SATB1: variants seen among roughly 807,000 people sequenced by gnomAD.
SATB1 encodes the protein DNA-binding protein SATB1.
SATB1 carries 11 observed loss-of-function variants against 86.9 expected under a neutral mutation model. That is an observed-to-expected ratio of 0.13 (90% CI 0.08 to 0.21). The LOEUF (loss-of-function observed/expected upper bound fraction) is 0.21. Ranked by LOEUF, SATB1 falls within the 10% of genes least tolerant of loss-of-function variation. SATB1 has a pLI of 1.00. For synonymous variants in SATB1, 357 were observed against 357.2 expected (o/e 1.00, Z 0.01); for missense variants, 551 against 937.6 (o/e 0.59, Z 5.39).
intron 9 of SATB1, among the ~76,000 whole-genome samples, chr3:18,367,650 A>T (rs1276878722): frequency 1.3e-5 from 2 of 152,168 alleles, no homozygotes; most frequent in Non-Finnish European, 2.9e-5. Flanking sequence ...TAATGAAAAG[A>T]TGTGCTCTTT....
chr3:18,350,918 T>C (rs1168770286), intron 10 of SATB1: 1 of 273,076 alleles, frequency 3.7e-6, no homozygotes, highest in African/African-American at 2.3e-5. Context: ...TGTAGGTGAC[T>C]CAACAGAGGT....
rs184485834 is a variant in SATB1, at chr3:18,370,739, T to G, written c.1575+7431A>C. 2.0e-5 allele frequency among the ~76,000 whole-genome samples: 3 copies of G among 151,936 alleles called. No homozygotes were observed. In the East Asian group the frequency reaches 5.8e-4, roughly 29 times the overall value. ...ACAGAGTTGGGGCATGCATTCTTCC[T>G]GTTGAACAGAAAACAGAGGCCTCAT... On this transcript the variant is annotated intron_variant, in intron 9 of 10. Transcript: ENST00000338745.
At chr3:18,416,756 A>T in intron 3 of SATB1, 146 bp downstream of exon 3, 1 of 760,754 alleles carries the variant, frequency 1.3e-6, no homozygotes, top group Non-Finnish European at 2.0e-6. Flanking sequence ...AAACTGAATT[A>T]AGCCAATTTT....
chr3:18,348,660 A>G lies in SATB1; in HGVS notation c.*510T>C, dbSNP rs1171287533. 1 of 152,786 alleles carries G rather than the reference A, an allele frequency of 6.5e-6. No individual in the cohort carries two copies. Among genetic ancestry groups the G allele is most frequent in the Non-Finnish European group, 1.5e-5 (1 of 68,258 alleles). 9.5% of individuals were successfully genotyped at this position (152,786 alleles called of 1,614,324 possible). ...TATAATACAAGGCATTTGTTGGCAT[A>G]TGTCATCTTTAAACTGCATTCCACA... On this transcript the variant is annotated 3_prime_UTR_variant, in exon 11 of 11. Coordinates refer to ENST00000338745, the MANE Select transcript of SATB1 (RefSeq NM_002971.6).
rs967361198 is a variant in SATB1 at position 18,347,123 on chromosome 3, C to A, written c.*2047G>T. Reference sequence around the variant, plus strand: ...CACTTCAGTTTCTAAAGTACAAGTTCAACACTAAAGCAGCCCAGTTGCCTA... The same window carrying A: ...CACTTCAGTTTCTAAAGTACAAGTTAAACACTAAAGCAGCCCAGTTGCCTA... On this transcript the variant is annotated 3_prime_UTR_variant, in exon 11 of 11. Transcript: ENST00000338745. 1 of 151,890 alleles carries A rather than the reference C, an allele frequency of 6.6e-6. No individual in the cohort carries two copies. Among genetic ancestry groups the A allele is most frequent in the Non-Finnish European group, 1.5e-5 (1 of 67,966 alleles). 9.4% of individuals were successfully genotyped at this position (151,890 alleles called of 1,614,324 possible). A position where few individuals can be genotyped will look rare whatever the true frequency, so the allele number is the denominator to read the frequency against.
At chr3:18,417,652 C>A in intron 2 of SATB1, 1 of 698,568 alleles carries the variant, frequency 1.4e-6, no homozygotes, top group South Asian at 1.5e-5. Context: ...ACTGGTTCCA[C>A]AAAAAGTACT....
chr3:18,406,646 ATTG>A (rs1368893612), intron 5 of SATB1, among the ~76,000 whole-genome samples: 1 of 152,064 alleles, frequency 6.6e-6, no homozygotes, highest in African/African-American at 2.4e-5. Context: ...CTCCAAGGCT[ATTG>A]TTGTGCTTAC....
At chr3:18,431,278 G>A (rs903152791) in intron 2 of SATB1, among the ~76,000 whole-genome samples, 3 of 151,930 alleles carry the variant, frequency 2.0e-5, no homozygotes, top group African/African-American at 7.3e-5. Flanking sequence ...CTTCTTTAAC[G>A]TGCAGCTTGA....
At chr3:18,413,510 A>C (rs919498969) in intron 5 of SATB1, among the ~76,000 whole-genome samples, 1 of 152,110 alleles carries the variant, frequency 6.6e-6, no homozygotes, top group African/African-American at 2.4e-5. Flanking sequence ...AGATCATTTC[A>C]AATTTTCATA....
intron 9 of SATB1, among the ~76,000 whole-genome samples, chr3:18,374,538 T>C (rs1221678276): frequency 1.3e-5 from 2 of 152,208 alleles, no homozygotes; most frequent in East Asian, 3.9e-4. Flanking sequence ...TATCATCTTT[T>C]TAAAGTTTGC....
chr3:18,411,356 A>G (rs1186476070), intron 5 of SATB1, among the ~76,000 whole-genome samples: 1 of 152,120 alleles, frequency 6.6e-6, no homozygotes, highest in Admixed American at 6.6e-5. Context: ...TAAAACCTCC[A>G]TGAAATATTT....
intron 2 of SATB1, chr3:18,434,964 T>C (rs944981003): frequency 6.6e-6 from 1 of 152,092 alleles, no homozygotes; most frequent in Admixed American, 6.5e-5. Flanking sequence ...CCATGACTGG[T>C]AAATTCTTTT....
chr3:18,366,528 G>C (rs1387325001), intron 9 of SATB1, among the ~76,000 whole-genome samples: 1 of 152,060 alleles, frequency 6.6e-6, no homozygotes, highest in Non-Finnish European at 1.5e-5. Context: ...AAACAAAAAA[G>C]AGACATATTT....
intron 5 of SATB1, among the ~76,000 whole-genome samples, chr3:18,406,441 T>C (rs1210809577): frequency 1.3e-5 from 2 of 152,008 alleles, no homozygotes; most frequent in East Asian, 3.9e-4. Flanking sequence ...ATGAAAATAA[T>C]AGTGAAGAAG....
intron 1 of SATB1, among the ~76,000 whole-genome samples, chr3:18,437,466 AAGAGTATACATCATTCTT>A (rs1699102366): frequency 6.6e-6 from 1 of 152,162 alleles, no homozygotes; most frequent in African/African-American, 2.4e-5. Flanking sequence ...CTTGTATGTT[AAGAGTATACATCATTCTT>A]TTTTAACATG....
In SATB1 at chr3:18,394,454, C is replaced by T. The variant is rs188308849; in HGVS notation, c.1206+8G>A. 7 of 1,612,612 alleles carry T rather than the reference C, an allele frequency of 4.3e-6. No homozygotes were observed. The highest frequency in any genetic ancestry group is 2.7e-5 in the African/African-American group (2 of 75,014). ...ACAGCACAGAACCACTTATGAAACA[C>T]AACTGACCTGAGTTCTGTTAAAAGC... On this transcript the variant is annotated splice_region_variant and intron_variant, in intron 7 of 10. Transcript: ENST00000338745. The surrounding 1 kb of genome is among the most constrained non-coding windows in gnomAD (Gnocchi z 5.9).
rs116406232 is a variant in SATB1 at position 18,391,008 on chromosome 3, A to G, written c.1206+3454T>C. On this transcript the variant is annotated intron_variant, in intron 7 of 10. Coordinates refer to ENST00000338745, the MANE Select transcript of SATB1 (RefSeq NM_002971.6). The stretch of plus-strand genomic sequence containing the variant: ...AATGAATGACATATGCTAAAAGCTG[A>G]TATCTTCAACGGCAATTAAAGAACC... Among the ~76,000 whole-genome samples, 955 of 152,286 alleles carry G rather than the reference A, an allele frequency of 6.3e-3. 11 individuals carry two copies. Among genetic ancestry groups the G allele is most frequent in the South Asian group, 0.039 (186 of 4,824 alleles).
chr3:18,443,215 C>A (rs1699285698), upstream of SATB1, among the ~76,000 whole-genome samples: 1 of 152,238 alleles, frequency 6.6e-6, no homozygotes, highest in South Asian at 2.1e-4. The surrounding 1 kb of genome is among the most constrained non-coding windows in gnomAD (Gnocchi z 4.4). Context: ...AAACCTGACA[C>A]CGAGCGGTAA....
chr3:18,368,822 C>T (rs566068517), intron 9 of SATB1, among the ~76,000 whole-genome samples: 5 of 152,154 alleles, frequency 3.3e-5, no homozygotes, highest in Admixed American at 6.5e-5. Context: ...GGTTCCAGGA[C>T]GTATGATTCA....
Sources: allele counts gnomAD v4.1 joint callset (sites outside exome capture counted in the v4.1 genomes callset), GRCh38; gene constraint gnomAD v4.1.1; non-coding constraint Gnocchi (gnomAD v3.1); transcripts MANE v1.5; gene names NCBI Gene and HGNC (gene_info 2026-07-23, HGNC 2026-07-21).